PDE10A: variants seen among roughly 807,000 people sequenced by gnomAD.
PDE10A encodes cAMP and cAMP-inhibited cGMP 3',5'-cyclic phosphodiesterase 10A.
Under a neutral mutation model 97.7 loss-of-function variants are expected in PDE10A, and 39 were observed. The ratio of observed to expected loss-of-function variants is 0.40; its 90% CI spans 0.31 to 0.52. The LOEUF (loss-of-function observed/expected upper bound fraction) is 0.52. PDE10A is among the 20% of genes least tolerant of loss of function. The probability of loss-of-function intolerance (pLI) is 0.56; values close to 1 mark genes in which losing one functional copy is unlikely to be tolerated. For synonymous variants in PDE10A, 371 were observed against 376.8 expected (o/e 0.98, Z 0.18); for missense variants, 731 against 1,047.8 (o/e 0.70, Z 4.17).
intron 12 of PDE10A, among the ~76,000 whole-genome samples, chr6:165,415,055 G>GAT (rs1562443425): frequency 6.6e-6 from 1 of 152,078 alleles, no homozygotes; most frequent in Non-Finnish European, 1.5e-5. Context: ...TTATATATTA[G>GAT]ATATAAGTAT....
chr6:165,560,938 G>T (rs1784491240), intron 1 of PDE10A, among the ~76,000 whole-genome samples: 1 of 152,048 alleles, frequency 6.6e-6, no homozygotes, highest in Non-Finnish European at 1.5e-5. Context: ...GTGTAGCATG[G>T]GCTGGGCACA....
intron 1 of PDE10A, among the ~76,000 whole-genome samples, chr6:165,742,783 T>C (rs1166344857): frequency 6.6e-6 from 1 of 152,114 alleles, no homozygotes; most frequent in Non-Finnish European, 1.5e-5. Context: ...TCAGCTGTGC[T>C]CTTCCACCCC....
intron 1 of PDE10A, among the ~76,000 whole-genome samples, chr6:165,619,570 T>C (rs1398690993): frequency 6.7e-6 from 1 of 149,056 alleles, no homozygotes; most frequent in Admixed American, 6.6e-5. Flanking sequence ...TAGTATACTG[T>C]AGTCTAGCGT....
At chr6:165,646,334 T>C (rs1789396599) in intron 1 of PDE10A, among the ~76,000 whole-genome samples, 1 of 152,222 alleles carries the variant, frequency 6.6e-6, no homozygotes, top group African/African-American at 2.4e-5. Context: ...ATTATAAATA[T>C]GTAAGGTGGG....
intron 1 of PDE10A, chr6:165,949,617 G>A (rs1458979578): frequency 2.6e-5 from 4 of 152,038 alleles, no homozygotes; most frequent in African/African-American, 9.7e-5. Context: ...CCCACATGAA[G>A]AACTACTTGA....
intron 1 of PDE10A, among the ~76,000 whole-genome samples, chr6:165,591,966 G>A (rs1238225534): frequency 6.6e-6 from 1 of 152,116 alleles, no homozygotes; most frequent in Non-Finnish European, 1.5e-5. Context: ...TGCAGCATTG[G>A]TTTTAATTCA....
intron 1 of PDE10A, among the ~76,000 whole-genome samples, chr6:165,598,606 A>G (rs1212630302): frequency 6.6e-6 from 1 of 152,174 alleles, no homozygotes; most frequent in Non-Finnish European, 1.5e-5. Flanking sequence ...TATCAATCTT[A>G]TAAGGATTAT....
intron 1 of PDE10A, among the ~76,000 whole-genome samples, chr6:165,652,560 T>C (rs1789736388): frequency 6.6e-6 from 1 of 152,206 alleles, no homozygotes; most frequent in African/African-American, 2.4e-5. Context: ...AAACACAAAT[T>C]ACATCCTATA....
At chr6:165,377,048 G>A (rs962518099) in intron 18 of PDE10A, among the ~76,000 whole-genome samples, 5 of 152,200 alleles carry the variant, frequency 3.3e-5, no homozygotes. Context: ...ATTTGCTGAA[G>A]TCTTAGATGA....
intron 1 of PDE10A, among the ~76,000 whole-genome samples, chr6:165,905,685 A>C (rs1334924784): frequency 6.6e-6 from 1 of 152,068 alleles, no homozygotes; most frequent in African/African-American, 2.4e-5. Flanking sequence ...TGAAAAAAAA[A>C]CAACAGCCTC....
At chr6:165,492,927 C>T (rs1386890235) in intron 2 of PDE10A, among the ~76,000 whole-genome samples, 2 of 151,980 alleles carry the variant, frequency 1.3e-5, no homozygotes, top group Non-Finnish European at 2.9e-5. Context: ...GATCATATAC[C>T]TAGAAAACCC....
chr6:165,565,933 A>C (rs1312419904), intron 1 of PDE10A, among the ~76,000 whole-genome samples: 2 of 152,224 alleles, frequency 1.3e-5, no homozygotes, highest in Non-Finnish European at 2.9e-5. Flanking sequence ...AAATTAAATA[A>C]AAATGGATCA....
At chr6:165,506,274 T>C (rs1219057362) in intron 2 of PDE10A, among the ~76,000 whole-genome samples, 1 of 152,170 alleles carries the variant, frequency 6.6e-6, no homozygotes, top group Non-Finnish European at 1.5e-5. Context: ...ATACAATAAA[T>C]ATATCACAAT....
intron 2 of PDE10A, among the ~76,000 whole-genome samples, chr6:165,518,879 G>C (rs761645817): frequency 6.6e-6 from 1 of 152,202 alleles, no homozygotes; most frequent in Non-Finnish European, 1.5e-5. Flanking sequence ...TGGCAGTCAT[G>C]TACAGAAACC....
chr6:165,703,305 C>G (rs1791626257), intron 1 of PDE10A, among the ~76,000 whole-genome samples: 1 of 152,130 alleles, frequency 6.6e-6, no homozygotes, highest in South Asian at 2.1e-4. Flanking sequence ...GCAATCGTAG[C>G]TTTAGATTCT....
chr6:165,954,310 G>A (rs865930880), intron 1 of PDE10A, among the ~76,000 whole-genome samples: 1 of 152,178 alleles, frequency 6.6e-6, no homozygotes, highest in African/African-American at 2.4e-5. Flanking sequence ...CCACTCTTGT[G>A]ACGTACTGAT....
intron 2 of PDE10A, among the ~76,000 whole-genome samples, chr6:165,536,558 AT>A (rs555429210): frequency 9.9e-5 from 15 of 151,916 alleles, no homozygotes; most frequent in Non-Finnish European, 1.9e-4. Flanking sequence ...CTGACAAAAA[AT>A]TAATAACCTG....
intron 1 of PDE10A, among the ~76,000 whole-genome samples, chr6:165,626,224 T>G (rs1583670858): frequency 1.3e-5 from 2 of 152,358 alleles, no homozygotes; most frequent in East Asian, 3.9e-4. Context: ...GGAATCACGC[T>G]CAGGAAACCA....
At chr6:165,593,364 G>T (rs1562611869) in intron 1 of PDE10A, among the ~76,000 whole-genome samples, 2 of 152,100 alleles carry the variant, frequency 1.3e-5, no homozygotes, top group Admixed American at 6.6e-5. Flanking sequence ...GTTGATGGGT[G>T]CTGCAAACCA....
Sources: allele counts gnomAD v4.1 joint callset (sites outside exome capture counted in the v4.1 genomes callset), GRCh38; gene constraint gnomAD v4.1.1; transcripts MANE v1.5; gene names NCBI Gene and HGNC (gene_info 2026-07-23, HGNC 2026-07-21).